CELSR1: variants seen among roughly 807,000 people sequenced by gnomAD.
The protein encoded by CELSR1 is cadherin EGF LAG seven-pass G-type receptor 1.
Under a neutral mutation model 249.1 loss-of-function variants are expected in CELSR1, and 110 were observed. The observed-to-expected ratio is 0.44, with a 90% CI of 0.38 to 0.52. The LOEUF (loss-of-function observed/expected upper bound fraction) is 0.52. Ranked by LOEUF, CELSR1 falls within the 20% of genes least tolerant of loss-of-function variation. The probability of loss-of-function intolerance (pLI) is 0.00; values close to 1 mark genes in which losing one functional copy is unlikely to be tolerated. For synonymous variants in CELSR1, 2,113 were observed against 1,900.0 expected (o/e 1.11, Z -2.92); for missense variants, 4,109 against 4,296.4 (o/e 0.96, Z 1.22).
chr22:46,401,765 G>A lies in CELSR1; in HGVS notation c.5227-1863C>T, dbSNP rs188782197. Reference sequence around the variant, plus strand: ...AGGGGTTTACACTAACGATAAAAACGAAAAAGAGCCACCTTTGCAGGACTG... The same window carrying A: ...AGGGGTTTACACTAACGATAAAAACAAAAAAGAGCCACCTTTGCAGGACTG... On this transcript the variant is annotated intron_variant, in intron 9 of 34. Transcript: ENST00000674500. This position sits in a 1 kb window ranked among gnomAD's most constrained non-coding sequence, Gnocchi z 4.7. Among the ~76,000 whole-genome samples the A allele has an allele frequency of 1.4e-3, 212 of 152,208 alleles. 1 individual carries two copies. The highest frequency in any genetic ancestry group is 4.7e-3 in the African/African-American group (197 of 41,532).
At chr22:46,424,439 A>G (rs1163266867) in intron 5 of CELSR1, among the ~76,000 whole-genome samples, 1 of 152,160 alleles carries the variant, frequency 6.6e-6, no homozygotes, top group Admixed American at 6.5e-5. Flanking sequence ...ATGCAATTGT[A>G]AAACAATAAT....
At chr22:46,404,354 G>A (rs529464247) in intron 9 of CELSR1, among the ~76,000 whole-genome samples, 2 of 152,014 alleles carry the variant, frequency 1.3e-5, no homozygotes, top group Non-Finnish European at 2.9e-5. Flanking sequence ...AGAGGTTGCA[G>A]TGAGCAGAGT....
chr22:46,415,423 T>C (rs1048773501), intron 5 of CELSR1, among the ~76,000 whole-genome samples: 1 of 152,184 alleles, frequency 6.6e-6, no homozygotes, highest in Non-Finnish European at 1.5e-5. Context: ...GTGCTGGGAT[T>C]ACAGGCATGA....
intron 5 of CELSR1, among the ~76,000 whole-genome samples, chr22:46,415,123 G>T (rs1328014942): frequency 1.3e-5 from 2 of 152,132 alleles, no homozygotes; most frequent in East Asian, 3.9e-4. Context: ...GGAGGAGGAT[G>T]GGGGGTGACT....
At chr22:46,515,746 C>T (rs1367154076) in intron 1 of CELSR1, among the ~76,000 whole-genome samples, 2 of 152,192 alleles carry the variant, frequency 1.3e-5, no homozygotes, top group African/African-American at 2.4e-5. Context: ...GTAACAGGCT[C>T]CCAGCAGCCA....
In CELSR1 at chr22:46,390,442, G is replaced by T; in HGVS notation, c.6295C>A (p.Pro2099Thr). Residue 2099 changes from proline (P) to threonine (T), a missense_variant, in exon 17 of 35, where the codon CCA (proline) becomes ACA (threonine). This residue lies in a region of CELSR1 where 1,805 missense variants were observed against 1,831.6 expected (regional missense o/e 0.99). Coordinates refer to ENST00000674500, the MANE Select transcript of CELSR1 (RefSeq NM_001378328.1). This position sits in a 1 kb window ranked among gnomAD's most constrained non-coding sequence, Gnocchi z 6.3. ...ATGGTGGTACAGTTAAAGAGCTCTGGGGGCAGCCAGCCCTTCTCCCCGCTG... is the reference window on the plus strand; with the variant it reads ...ATGGTGGTACAGTTAAAGAGCTCTGTGGGCAGCCAGCCCTTCTCCCCGCTG... The part of the protein sequence containing the change: ...HCSGEKGWLP[P>T]ELFNCTTISF... 2 of 1,613,952 alleles carry T rather than the reference G, an allele frequency of 1.2e-6. No homozygotes were observed. Among genetic ancestry groups the T allele is most frequent in the South Asian group, 2.2e-5 (2 of 91,024 alleles).
intron 1 of CELSR1, among the ~76,000 whole-genome samples, chr22:46,528,803 C>T (rs2080763850): frequency 6.6e-6 from 1 of 151,618 alleles, no homozygotes; most frequent in African/African-American, 2.4e-5. Context: ...GTGGCGGGCG[C>T]CTGTAGTCCC....
chr22:46,364,146 G>A lies in CELSR1; in HGVS notation c.8885C>T (p.Thr2962Ile), dbSNP rs377023725. 1.1e-4 allele frequency: 171 copies of A among 1,609,858 alleles called. No individual in the cohort carries two copies. The highest frequency in any genetic ancestry group is 1.4e-4 in the Non-Finnish European group (165 of 1,179,770). The part of the protein sequence containing the change: ...EKLADCEQSP[T>I]SSRTSSLGSG... ...GCCCAGGGAAGACGTGCGCGAGGAT[G>A]TGGGGCTCTGCTCACAGTCGGCCAG... is the stretch of plus-strand genomic sequence containing the variant. Residue 2962 changes from threonine (T) to isoleucine (I), a missense_variant, in exon 34 of 35, where the codon ACA (threonine) becomes ATA (isoleucine). Around this residue, in one of 7 missense-constraint regions of CELSR1, gnomAD observed 1,805 missense variants for 1,831.6 expected, o/e 0.99. Coordinates refer to ENST00000674500, the MANE Select transcript of CELSR1 (RefSeq NM_001378328.1).
chr22:46,365,950 T>G (rs908878921), intron 30 of CELSR1, among the ~76,000 whole-genome samples: 1 of 42 alleles, frequency 0.024, no homozygotes, highest in Non-Finnish European at 0.056. Context: ...AAAGGCTGGG[T>G]GGGGGAAAGG....
intron 28 of CELSR1, 52 bp downstream of exon 28, chr22:46,367,677 G>C: frequency 6.4e-7 from 1 of 1,560,230 alleles, no homozygotes; most frequent in African/African-American, 1.3e-5. Flanking sequence ...TCACAGCGAT[G>C]GTGTCACGGC....
chr22:46,408,973 T>C lies in CELSR1; in HGVS notation c.5226+23A>G, dbSNP rs781536396. On this transcript the variant is annotated intron_variant, in intron 9 of 34. Transcript: ENST00000674500. This position sits in a 1 kb window ranked among gnomAD's most constrained non-coding sequence, Gnocchi z 4.6. ...TCGGGCACCCACCTAGCAGGTGCCT[T>C]GGTGGCACGGGGCCCCAGTCACCTG... 8.8e-6 allele frequency: 14 copies of C among 1,583,462 alleles called. No homozygotes were observed. Among genetic ancestry groups the C allele is most frequent in the Non-Finnish European group, 1.2e-5 (14 of 1,166,138 alleles).
chr22:46,403,771 G>A lies in CELSR1; in HGVS notation c.5227-3869C>T, dbSNP rs7285592. On this transcript the variant is annotated intron_variant, in intron 9 of 34. Coordinates refer to ENST00000674500, the MANE Select transcript of CELSR1 (RefSeq NM_001378328.1). Reference sequence around the variant, plus strand: ...ACAGATCACCTGAGGTCAGGGGATCGAGACCAGCATGGCCTACATGGTGAA... The same window carrying A: ...ACAGATCACCTGAGGTCAGGGGATCAAGACCAGCATGGCCTACATGGTGAA... 6.6e-3 allele frequency among the ~76,000 whole-genome samples: 1,001 copies of A among 151,832 alleles called. 10 individuals carry two copies. Among genetic ancestry groups the A allele is most frequent in the African/African-American group, 0.023 (946 of 41,406 alleles).
intron 11 of CELSR1, 139 bp from the exon 12 acceptor site, chr22:46,397,987 G>T: frequency 1.3e-6 from 1 of 794,822 alleles, no homozygotes; most frequent in Non-Finnish European, 1.8e-6. Flanking sequence ...GGGCGGGCAG[G>T]GTTGTTCCTC....
At chr22:46,449,038 CCACT>C (rs2079851595) in intron 2 of CELSR1, among the ~76,000 whole-genome samples, 1 of 151,950 alleles carries the variant, frequency 6.6e-6, no homozygotes, top group Non-Finnish European at 1.5e-5. Context: ...ATATACCCAC[CCACT>C]CATTCACCCA....
intron 5 of CELSR1, among the ~76,000 whole-genome samples, chr22:46,422,010 A>G (rs776887064): frequency 6.6e-6 from 1 of 152,266 alleles, no homozygotes; most frequent in Non-Finnish European, 1.5e-5. Context: ...CCTTTATCAT[A>G]AGGATTTTAC....
rs573343931 is a variant in CELSR1 at position 46,518,057 on chromosome 22, C to T, written c.3544+15570G>A. Among the ~76,000 whole-genome samples the T allele has an allele frequency of 1.3e-5, 2 of 152,010 alleles. No individual in the cohort carries two copies. Among genetic ancestry groups the T allele is most frequent in the Admixed American group, 6.5e-5 (1 of 15,284 alleles). ...AGCTGGGATTACAGTCATGTGCCAC[C>T]ACACCCGGGTAATTTTTTTGTGTTT... On this transcript the variant is annotated intron_variant, in intron 1 of 34. Coordinates refer to ENST00000674500, the MANE Select transcript of CELSR1 (RefSeq NM_001378328.1). This position sits in a 1 kb window ranked among gnomAD's most constrained non-coding sequence, Gnocchi z 5.2.
intron 25 of CELSR1, chr22:46,370,163 T>C (rs1035306159): frequency 4.3e-6 from 2 of 466,298 alleles, no homozygotes; most frequent in African/African-American, 4.0e-5. Context: ...AGCTGGGCCA[T>C]GTAGAGGTCA....
In CELSR1 at chr22:46,389,240, T is replaced by C. The variant is rs757418259; in HGVS notation, c.6555+50A>G. On this transcript the variant is annotated intron_variant, in intron 18 of 34. Coordinates refer to ENST00000674500, the MANE Select transcript of CELSR1 (RefSeq NM_001378328.1). ...GCCCCACAGCACCCACCCACGGGCA[T>C]CCGAGTGTCCCCGAGTGTCCCCGAG... The C allele has an allele frequency of 2.5e-6, 4 of 1,587,150 alleles. No homozygotes were observed. In the Admixed American group the frequency reaches 6.7e-5, roughly 26 times the overall value.
Position 46,374,533 on chromosome 22 carries a change from A to G in CELSR1, c.7585-1476T>C, listed in dbSNP as rs191891795. On this transcript the variant is annotated intron_variant, in intron 24 of 34. Transcript: ENST00000674500. The surrounding 1 kb of genome is among the most constrained non-coding windows in gnomAD (Gnocchi z 4.3). ...AGCCCAGGCACTCTGCCAAGCCCCT[A>G]GAACGCTGCCGGGTCGCCCTTTCCT... Among the ~76,000 whole-genome samples the G allele has an allele frequency of 3.9e-5, 6 of 152,350 alleles. No individual in the cohort carries two copies. The highest frequency in any genetic ancestry group is 1.2e-4 in the African/African-American group (5 of 41,582).
Sources: gnomAD v4.1 joint callset for allele counts (sites outside exome capture counted in the v4.1 genomes callset) on GRCh38, gnomAD v4.1.1 for gene constraint, gnomAD v4.1.1 regional missense constraint, Gnocchi (gnomAD v3.1) non-coding constraint, MANE v1.5 for transcripts, NCBI Gene and HGNC (gene_info 2026-07-23, HGNC 2026-07-21) for gene names.